The following WDR7 variants were observed in gnomAD, a reference collection of about 807,000 sequenced individuals.
WDR7 encodes WD repeat-containing protein 7.
WDR7 carries 46 observed loss-of-function variants against 169.4 expected under a neutral mutation model. The observed-to-expected ratio is 0.27, with a 90% CI of 0.21 to 0.35. WDR7 has a LOEUF of 0.35. Ranked by LOEUF, WDR7 falls within the 10% of genes least tolerant of loss-of-function variation. The probability of loss-of-function intolerance (pLI) is 1.00; values close to 1 mark genes in which losing one functional copy is unlikely to be tolerated. For missense variants in WDR7, 1,534 were observed against 1,859.3 expected, an observed-to-expected ratio of 0.83 and a Z score of 3.22; for synonymous variants, 612 against 666.8, an observed-to-expected ratio of 0.92 and a Z score of 1.27.
chr18:56,954,519 T>C (rs940848340), intron 25 of WDR7, among the ~76,000 whole-genome samples: 2 of 152,050 alleles, frequency 1.3e-5, no homozygotes, highest in Non-Finnish European at 2.9e-5. Context: ...TATGTGAAGA[T>C]CAATATTCAT....
Position 56,724,958 on chromosome 18 carries a change from C to G in WDR7, c.1775-6425C>G, listed in dbSNP as rs539070606. ...TGAGAATGATGGTTTCCAGCTTCAT[C>G]CATGTCCTTACAAAGGACATGAACT... On this transcript the variant is annotated intron_variant, in intron 13 of 27. Transcript: ENST00000254442. Among the ~76,000 whole-genome samples, 158 of 152,156 alleles carry G rather than the reference C, an allele frequency of 1.0e-3. 1 individual carries two copies. In the Middle Eastern group the frequency reaches 0.02, roughly 20 times the overall value.
chr18:56,697,870 A>T (rs926976597), intron 12 of WDR7, among the ~76,000 whole-genome samples: 5 of 152,188 alleles, frequency 3.3e-5, no homozygotes, highest in Admixed American at 3.3e-4. Context: ...AATAAGATAT[A>T]GTTTTTCTTT....
Position 56,961,756 on chromosome 18 carries a change from A to G in WDR7, c.4065-674A>G, listed in dbSNP as rs531497425. Reference sequence around the variant, plus strand: ...CCTTGCTAAATCCTATTTTTATGCAATGCAATATAAGTACCAAATATGCTT... The same window carrying G: ...CCTTGCTAAATCCTATTTTTATGCAGTGCAATATAAGTACCAAATATGCTT... On this transcript the variant is annotated intron_variant, in intron 25 of 27. Transcript: ENST00000254442. Among the ~76,000 whole-genome samples, 11 of 152,294 alleles carry G rather than the reference A, an allele frequency of 7.2e-5. No homozygotes were observed. The South Asian group carries it at 1.2e-3, about 17-fold the overall frequency.
At chr18:56,720,198 G>A (rs1050221886) in intron 13 of WDR7, among the ~76,000 whole-genome samples, 1 of 152,140 alleles carries the variant, frequency 6.6e-6, no homozygotes, top group Non-Finnish European at 1.5e-5. Context: ...TGTAGTCCTA[G>A]CACTTTGGGA....
At chr18:57,015,155 G>A (rs12961155) in intron 26 of WDR7, among the ~76,000 whole-genome samples, 45,129 of 152,020 alleles carry the variant, frequency 0.3, 7,537 homozygotes, top group East Asian at 0.77. Flanking sequence ...CTGCTTCACC[G>A]TAGCCCTGTC....
At chr18:56,857,199 T>C (rs759741738) in intron 20 of WDR7, among the ~76,000 whole-genome samples, 7 of 152,186 alleles carry the variant, frequency 4.6e-5, no homozygotes, top group Non-Finnish European at 1.0e-4. Flanking sequence ...GTTTCTGATA[T>C]AGTATTCTTC....
chr18:56,790,637 T>C (rs1205822243), intron 19 of WDR7, among the ~76,000 whole-genome samples: 1 of 152,138 alleles, frequency 6.6e-6, no homozygotes, highest in African/African-American at 2.4e-5. Flanking sequence ...TTCTTTCTCT[T>C]CCTGCTTTTT....
intron 26 of WDR7, among the ~76,000 whole-genome samples, chr18:56,993,535 T>TA (rs74643590): frequency 3.9e-5 from 6 of 152,100 alleles, no homozygotes; most frequent in Non-Finnish European, 7.4e-5. Flanking sequence ...TAAAGGCTCT[T>TA]AAAAAATTGA....
At position 57,003,765 on chromosome 18, in the gene WDR7, G is replaced by T. The variant is rs148202130; in HGVS notation, c.4165-16980G>T. On this transcript the variant is annotated intron_variant, in intron 26 of 27. Coordinates refer to ENST00000254442, the MANE Select transcript of WDR7 (RefSeq NM_015285.3). ...CAGTGCATATTCACAGAAAATCACG[G>T]GGCCCTTTATGGTCTGTCTTCAGAC... Among the ~76,000 whole-genome samples the T allele has an allele frequency of 3.8e-4, 58 of 151,932 alleles. 1 individual carries two copies. In the East Asian group the frequency reaches 0.01, roughly 27 times the overall value.
intron 22 of WDR7, among the ~76,000 whole-genome samples, chr18:56,934,904 C>T (rs1333177243): frequency 6.6e-6 from 1 of 152,096 alleles, no homozygotes; most frequent in East Asian, 1.9e-4. Context: ...ACAAAATACT[C>T]CTTGTATACA....
intron 26 of WDR7, among the ~76,000 whole-genome samples, chr18:56,997,326 G>A (rs1444235363): frequency 6.6e-6 from 1 of 152,208 alleles, no homozygotes; most frequent in Non-Finnish European, 1.5e-5. Context: ...CAAAGCCACA[G>A]TGTTTGCTGA....
intron 20 of WDR7, among the ~76,000 whole-genome samples, chr18:56,830,475 C>T (rs1217145093): frequency 6.6e-6 from 1 of 152,136 alleles, no homozygotes; most frequent in Non-Finnish European, 1.5e-5. Context: ...AAGAGGACTT[C>T]TAAAAAATAG....
At chr18:56,785,698 G>A (rs1199948950) in intron 19 of WDR7, among the ~76,000 whole-genome samples, 1 of 152,054 alleles carries the variant, frequency 6.6e-6, no homozygotes, top group African/African-American at 2.4e-5. Flanking sequence ...TAAAGCATCT[G>A]GTCTTACTGA....
rs566064845 is a variant in WDR7, at chr18:56,688,157, A to T, written c.717+1183A>T. On this transcript the variant is annotated intron_variant, in intron 7 of 27. Transcript: ENST00000254442. ...GGCAGCGGAGTTGCTGAGTTACAAC[A>T]TGGGTATCTGACTGCAGCAGCTGCT... 9.9e-5 allele frequency among the ~76,000 whole-genome samples: 15 copies of T among 152,240 alleles called. No homozygotes were observed. In the East Asian group the frequency reaches 2.9e-3, roughly 29 times the overall value.
At chr18:56,737,552 A>G (rs1199704075) in intron 14 of WDR7, among the ~76,000 whole-genome samples, 1 of 152,100 alleles carries the variant, frequency 6.6e-6, no homozygotes, top group Non-Finnish European at 1.5e-5. Context: ...CATTTCTCTC[A>G]TGTTGTCTAA....
chr18:56,919,692 T>C (rs1256290895), intron 21 of WDR7, among the ~76,000 whole-genome samples: 2 of 152,156 alleles, frequency 1.3e-5, no homozygotes, highest in African/African-American at 4.8e-5. Flanking sequence ...TACCCAGAGC[T>C]ACACCTAACC....
In WDR7 at chr18:56,697,849, ATATT is replaced by A. The variant is rs1260098724; in HGVS notation, c.1578+1388_1578+1391del. Among the ~76,000 whole-genome samples, 6 of 152,180 alleles carry A rather than the reference ATATT, an allele frequency of 3.9e-5. No homozygotes were observed. In the East Asian group the frequency reaches 1.2e-3, roughly 29 times the overall value. On this transcript the variant is annotated intron_variant, in intron 12 of 27. Transcript: ENST00000254442. ...AGAATAAAATATTTAAAATAATAGA[ATATT>A]AGATAGAATAAGATATAGTTTTTCT... is the stretch of plus-strand genomic sequence containing the variant.
chr18:56,931,809 GAGAAACCTTAGCAAA>G (rs550236047), intron 22 of WDR7, among the ~76,000 whole-genome samples: 2,248 of 152,254 alleles, frequency 0.015, 17 homozygotes, highest in African/African-American at 0.026. Flanking sequence ...AGGGCTAGAG[GAGAAACCTTAGCAAA>G]ATACTAGAAT....
rs779255825 is a variant in WDR7, at chr18:56,875,982, A to G, written c.3305-3962A>G. Among the ~76,000 whole-genome samples the G allele has an allele frequency of 3.6e-4, 55 of 152,132 alleles. 2 individuals carry two copies. The highest frequency in any genetic ancestry group is 1.2e-4 in the Non-Finnish European group (8 of 68,006). On this transcript the variant is annotated intron_variant, in intron 20 of 27. Transcript: ENST00000254442. Reference sequence around the variant, plus strand: ...ATTCATCCACCATACTGCCACTACCATGATCTAACAGTGAATGAATCTAAC... The same window carrying G: ...ATTCATCCACCATACTGCCACTACCGTGATCTAACAGTGAATGAATCTAAC...
Sources: gnomAD v4.1 joint callset for allele counts (sites outside exome capture counted in the v4.1 genomes callset) on GRCh38, gnomAD v4.1.1 for gene constraint, MANE v1.5 for transcripts, NCBI Gene and HGNC (gene_info 2026-07-23, HGNC 2026-07-21) for gene names.